The following TSC22D1 variants were observed in gnomAD, a reference collection of about 807,000 sequenced individuals.
TSC22D1 encodes TSC22 domain family protein 1.
A neutral mutation model predicts 74.2 loss-of-function variants in TSC22D1; 9 were observed. The observed-to-expected ratio is 0.12, with a 90% CI of 0.07 to 0.21. The LOEUF (loss-of-function observed/expected upper bound fraction) is 0.21, where lower values mean the gene tolerates loss of function less well. TSC22D1 is among the 10% of genes least tolerant of loss of function. The probability of loss-of-function intolerance (pLI) is 1.00; values close to 1 mark genes in which losing one functional copy is unlikely to be tolerated. For synonymous variants in TSC22D1, 586 were observed against 492.5 expected, an observed-to-expected ratio of 1.19 and a Z score of -2.51; for missense variants, 1,427 against 1,304.7, an observed-to-expected ratio of 1.09 and a Z score of -1.44.
chr13:44,512,491 A>G (rs1388115233), intron 1 of TSC22D1, among the ~76,000 whole-genome samples: 1 of 151,790 alleles, frequency 6.6e-6, no homozygotes, highest in Non-Finnish European at 1.5e-5. Context: ...TTCAAACTCA[A>G]CATGCCTTAA....
intron 1 of TSC22D1, chr13:44,536,881 AC>A (rs770627827): frequency 3.7e-5 from 36 of 972,598 alleles, no homozygotes; most frequent in Non-Finnish European, 4.1e-5. Context: ...TTCACTGGTG[AC>A]CCCCACGAAG....
intron 1 of TSC22D1, among the ~76,000 whole-genome samples, chr13:44,456,129 A>G (rs960426095): frequency 6.6e-6 from 1 of 152,296 alleles, no homozygotes; most frequent in Admixed American, 6.5e-5. Flanking sequence ...AAAGCCGTGG[A>G]CCCTCGCAGT....
Position 44,573,949 on chromosome 13 carries a change from G to A in TSC22D1, c.2126C>T (p.Ser709Phe), listed in dbSNP as rs1050153051. ...TAVPAQPAGA[S>F]VQPVGQAPAA... ...CGGAGCCTGGCCAACAGGCTGGACA[G>A]ATGCCCCTGCAGGTTGTGCTGGGAC... is the stretch of plus-strand genomic sequence containing the variant. Residue 709 changes from serine (S) to phenylalanine (F), a missense_variant, in exon 1 of 3, where the codon TCT (serine) becomes TTT (phenylalanine). Transcript: ENST00000458659. 4 of 1,614,012 alleles carry A rather than the reference G, an allele frequency of 2.5e-6. No homozygotes were observed. Among genetic ancestry groups the A allele is most frequent in the Non-Finnish European group, 3.4e-6 (4 of 1,180,056 alleles).
chr13:44,573,156 A>C lies in TSC22D1; in HGVS notation c.2912+7T>G, dbSNP rs1566183830. On this transcript the variant is annotated splice_region_variant and intron_variant, in intron 1 of 2. Coordinates refer to ENST00000458659, the MANE Select transcript of TSC22D1 (RefSeq NM_183422.4). ...TGAATGTCTCCAGAAATATGACATG[A>C]TCTTACCTCTCATCCTCGCCATCCA... The C allele has an allele frequency of 6.2e-7, 1 of 1,612,774 alleles. No individual in the cohort carries two copies.
At chr13:44,555,475 G>A (rs113644471) in intron 1 of TSC22D1, among the ~76,000 whole-genome samples, 3,418 of 152,096 alleles carry the variant, frequency 0.022, 115 homozygotes, top group African/African-American at 0.076. Context: ...GTGTCGTGGC[G>A]CGAGCCTGTC....
chr13:44,569,614 T>C lies in TSC22D1; in HGVS notation c.2912+3549A>G, dbSNP rs554188136. Among the ~76,000 whole-genome samples, 44 of 152,360 alleles carry C rather than the reference T, an allele frequency of 2.9e-4. 1 individual carries two copies. In the South Asian group the frequency reaches 8.7e-3, roughly 30 times the overall value. Reference sequence around the variant, plus strand: ...CAAAATGAGTATTACTCCTATTTTATAGGTAACACACATGCGTCTTAAATA... The same window carrying C: ...CAAAATGAGTATTACTCCTATTTTACAGGTAACACACATGCGTCTTAAATA... On this transcript the variant is annotated intron_variant, in intron 1 of 2. Transcript: ENST00000458659.
intron 1 of TSC22D1, among the ~76,000 whole-genome samples, chr13:44,459,816 C>G (rs1197494165): frequency 1.3e-5 from 2 of 152,192 alleles, no homozygotes; most frequent in Non-Finnish European, 2.9e-5. Flanking sequence ...CTGCCTACCC[C>G]GCTGCAGCCA....
chr13:44,560,315 TG>T (rs66468603), intron 1 of TSC22D1, among the ~76,000 whole-genome samples: 16,324 of 151,570 alleles, frequency 0.11, 952 homozygotes, highest in Non-Finnish European at 0.12. Context: ...AGAGAAAAAT[TG>T]GGGGGGGATC....
chr13:44,434,774 T>C lies in TSC22D1; in HGVS notation c.3074A>G (p.Asn1025Ser), dbSNP rs762141180. Residue 1025 changes from asparagine (N) to serine (S), a missense_variant, in exon 3 of 3, where the codon AAT becomes AGT. Transcript: ENST00000458659. ...EKNSQLEQENNLLKTLASPEQ... is the reference protein window; with the variant it reads ...EKNSQLEQENSLLKTLASPEQ... Reference sequence around the variant, plus strand: ...AGGACTGGCCAGTGTCTTCAGCAGATTGTTCTCCTGCTCCAGCTGGGAATT... The same window carrying C: ...AGGACTGGCCAGTGTCTTCAGCAGACTGTTCTCCTGCTCCAGCTGGGAATT... 3.1e-6 allele frequency: 5 copies of C among 1,614,062 alleles called. No individual in the cohort carries two copies. In the South Asian group the frequency reaches 3.3e-5, roughly 11 times the overall value.
upstream of TSC22D1, among the ~76,000 whole-genome samples, chr13:44,576,848 T>C (rs973227084): frequency 1.3e-5 from 2 of 150,470 alleles, no homozygotes; most frequent in Non-Finnish European, 3.0e-5. Flanking sequence ...GCGGCGGCGG[T>C]GGCAGCGGGA....
chr13:44,498,165 G>A (rs745501390), intron 1 of TSC22D1, among the ~76,000 whole-genome samples: 2 of 151,934 alleles, frequency 1.3e-5, no homozygotes, highest in Non-Finnish European at 2.9e-5. Context: ...GGGCAAGGTG[G>A]CATGCACCTG....
chr13:44,570,528 T>A (rs903512847), intron 1 of TSC22D1, among the ~76,000 whole-genome samples: 1 of 152,282 alleles, frequency 6.6e-6, no homozygotes, highest in Non-Finnish European at 1.5e-5. Context: ...TGATTTTTTT[T>A]AAAACAAGAT....
Position 44,434,080 on chromosome 13 carries a change from AG to A in TSC22D1, c.*545del. On this transcript the variant is annotated 3_prime_UTR_variant, in exon 3 of 3. Transcript: ENST00000458659. ...GTTTTGTGTCATCCATTGTTTGAGA[AG>A]AAAGAGGCACAGTACTATTGTTTTT... 6.6e-7 allele frequency: 1 copy of A among 1,525,588 alleles called. No homozygotes were observed. Among genetic ancestry groups the A allele is most frequent in the Non-Finnish European group, 8.7e-7 (1 of 1,144,552 alleles). The allele number at this position is 1,525,588 out of a possible 1,614,324, so 94.5% of individuals were successfully genotyped here.
chr13:44,562,362 A>G (rs906460901), intron 1 of TSC22D1, among the ~76,000 whole-genome samples: 4 of 152,196 alleles, frequency 2.6e-5, no homozygotes, highest in Non-Finnish European at 5.9e-5. Flanking sequence ...ATTTCTTTAT[A>G]TATGTATCTA....
chr13:44,457,078 C>T (rs1339635720), intron 1 of TSC22D1, among the ~76,000 whole-genome samples: 1 of 152,318 alleles, frequency 6.6e-6, no homozygotes, highest in African/African-American at 2.4e-5. Flanking sequence ...CAACACAATT[C>T]ATATGTTAGA....
intron 1 of TSC22D1, among the ~76,000 whole-genome samples, chr13:44,523,146 C>A (rs1272154929): frequency 6.6e-6 from 1 of 152,008 alleles, no homozygotes; most frequent in African/African-American, 2.4e-5. Context: ...TCACTGACAA[C>A]ACCAAATGCT....
chr13:44,534,745 A>C (rs913600156), intron 1 of TSC22D1, among the ~76,000 whole-genome samples: 1 of 152,200 alleles, frequency 6.6e-6, no homozygotes, highest in Non-Finnish European at 1.5e-5. Flanking sequence ...TTAATTTCTC[A>C]AACCAAAATA....
intron 1 of TSC22D1, among the ~76,000 whole-genome samples, chr13:44,535,758 A>G (rs1881100379): frequency 6.6e-6 from 1 of 152,002 alleles, no homozygotes; most frequent in African/African-American, 2.4e-5. Flanking sequence ...CAAAAATACA[A>G]TGGTAAGCCA....
At chr13:44,435,971 A>C in intron 2 of TSC22D1, 73 bp downstream of exon 2, 1 of 1,415,440 alleles carries the variant, frequency 7.1e-7, no homozygotes, top group Non-Finnish European at 9.9e-7. Flanking sequence ...TTAGGGATGC[A>C]CTGGTTCCAC....
Sources: gnomAD v4.1 joint callset for allele counts (sites outside exome capture counted in the v4.1 genomes callset) on GRCh38, gnomAD v4.1.1 for gene constraint, MANE v1.5 for transcripts, NCBI Gene and HGNC (gene_info 2026-07-23, HGNC 2026-07-21) for gene names.